Variants in MACROD2 observed in about 807,000 individuals in gnomAD.
MACROD2 encodes ADP-ribose glycohydrolase MACROD2.
In MACROD2, 36 loss-of-function variants were observed where a neutral mutation model predicts 70.4. That is an observed-to-expected ratio of 0.51 (90% CI 0.39 to 0.68). MACROD2 has a LOEUF of 0.68. Among genes scored for constraint, MACROD2 ranks in the 30% least tolerant of loss-of-function variants. The pLI is 0.00. For synonymous variants in MACROD2, 172 were observed against 178.8 expected (o/e 0.96, Z 0.30); for missense variants, 496 against 538.4 (o/e 0.92, Z 0.78).
intron 5 of MACROD2, among the ~76,000 whole-genome samples, chr20:15,121,607 C>G (rs962999450): frequency 2.0e-5 from 3 of 151,832 alleles, no homozygotes; most frequent in Admixed American, 2.0e-4. Flanking sequence ...GGAGTCTACT[C>G]TATGTCTAGG....
At chr20:14,415,413 C>T (rs1056387567) in intron 3 of MACROD2, among the ~76,000 whole-genome samples, 3 of 152,104 alleles carry the variant, frequency 2.0e-5, no homozygotes, top group Non-Finnish European at 4.4e-5. Flanking sequence ...AAGGTAACCA[C>T]GGCCAATTGT....
At chr20:14,026,977 G>T (rs999414354) in intron 2 of MACROD2, among the ~76,000 whole-genome samples, 13 of 152,288 alleles carry the variant, frequency 8.5e-5, no homozygotes, top group Admixed American at 8.5e-4. Context: ...CCTCAAGTGG[G>T]TCCCTGACCC....
rs117220128 is a variant in MACROD2 at position 14,915,691 on chromosome 20, C to T, written c.418+230732C>T. On this transcript the variant is annotated intron_variant, in intron 5 of 17. Coordinates refer to ENST00000684519, the MANE Select transcript of MACROD2 (RefSeq NM_001351661.2). Reference sequence around the variant, plus strand: ...ACTGACAGCAAGCAGTCTGCAGCAACAGATTGAAAATGTTCTTTTCAGATC... The same window carrying T: ...ACTGACAGCAAGCAGTCTGCAGCAATAGATTGAAAATGTTCTTTTCAGATC... Among the ~76,000 whole-genome samples, 6 of 152,296 alleles carry T rather than the reference C, an allele frequency of 3.9e-5. No homozygotes were observed. In the East Asian group the frequency reaches 1.2e-3, roughly 29 times the overall value.
At chr20:15,967,701 A>G (rs1451561322) in intron 13 of MACROD2, 71 bp downstream of exon 13, 3 of 1,139,788 alleles carry the variant, frequency 2.6e-6, no homozygotes, top group South Asian at 1.5e-5. Context: ...AAAAAAAAAA[A>G]CCCACAGACT....
At chr20:14,540,034 T>C (rs1476883370) in intron 4 of MACROD2, among the ~76,000 whole-genome samples, 1 of 152,230 alleles carries the variant, frequency 6.6e-6, no homozygotes, top group Non-Finnish European at 1.5e-5. Flanking sequence ...CAGAGAATTA[T>C]GGTTTAGTTT....
intron 4 of MACROD2, among the ~76,000 whole-genome samples, chr20:14,523,650 A>G (rs1296319374): frequency 6.6e-6 from 1 of 152,220 alleles, no homozygotes; most frequent in Admixed American, 6.5e-5. Context: ...CACAGTCACA[A>G]AAATATGGAC....
At chr20:15,841,803 G>A (rs1322301834) in intron 8 of MACROD2, among the ~76,000 whole-genome samples, 1 of 152,114 alleles carries the variant, frequency 6.6e-6, no homozygotes, top group East Asian at 1.9e-4. Flanking sequence ...TCTGGTGACA[G>A]TTTATTAAGG....
chr20:14,012,245 T>C (rs1201012348), intron 2 of MACROD2, among the ~76,000 whole-genome samples: 2 of 152,188 alleles, frequency 1.3e-5, no homozygotes, highest in South Asian at 2.1e-4. Flanking sequence ...ATAACACATA[T>C]CAAACCATCC....
intron 7 of MACROD2, among the ~76,000 whole-genome samples, chr20:15,434,659 C>T (rs529189344): frequency 6.6e-6 from 1 of 152,186 alleles, no homozygotes; most frequent in African/African-American, 2.4e-5. Flanking sequence ...TCCAGCAATC[C>T]ACTACTGAGT....
intron 7 of MACROD2, among the ~76,000 whole-genome samples, chr20:15,446,074 G>A (rs1426301038): frequency 6.6e-6 from 1 of 152,162 alleles, no homozygotes; most frequent in Non-Finnish European, 1.5e-5. Context: ...GAGTGCCAAA[G>A]ATTTGTGTCA....
intron 5 of MACROD2, among the ~76,000 whole-genome samples, chr20:15,045,156 G>A (rs1331527386): frequency 1.3e-5 from 2 of 152,076 alleles, no homozygotes; most frequent in Admixed American, 6.6e-5. Flanking sequence ...AAAAGAAATG[G>A]GGATGAATTG....
chr20:14,564,117 G>T (rs776092040), intron 4 of MACROD2, among the ~76,000 whole-genome samples: 3 of 151,880 alleles, frequency 2.0e-5, no homozygotes, highest in Non-Finnish European at 4.4e-5. Context: ...TTCAATAAAT[G>T]GTGCTGGGAG....
At chr20:14,793,123 T>A (rs1362499026) in intron 5 of MACROD2, among the ~76,000 whole-genome samples, 4 of 152,024 alleles carry the variant, frequency 2.6e-5, no homozygotes, top group African/African-American at 9.7e-5. Context: ...GGGTTACAAT[T>A]TTTCCTTAGT....
At chr20:16,022,876 T>C (rs775099) in intron 15 of MACROD2, among the ~76,000 whole-genome samples, 37,510 of 152,172 alleles carry the variant, frequency 0.25, 4,772 homozygotes, top group South Asian at 0.35. Flanking sequence ...TGTGCATGAA[T>C]GCATGTATGT....
chr20:14,265,899 C>A lies in MACROD2; in HGVS notation c.271+180171C>A, dbSNP rs551960436. ...TCACGCCATTCTCCTGCCTCAGCCTCCCAAGTAGCTGGGACTACAGGCGCA... is the reference window on the plus strand; with the variant it reads ...TCACGCCATTCTCCTGCCTCAGCCTACCAAGTAGCTGGGACTACAGGCGCA... On this transcript the variant is annotated intron_variant, in intron 3 of 17. Coordinates refer to ENST00000684519, the MANE Select transcript of MACROD2 (RefSeq NM_001351661.2). Among the ~76,000 whole-genome samples, 220 of 152,094 alleles carry A rather than the reference C, an allele frequency of 1.4e-3. 1 individual carries two copies. The highest frequency in any genetic ancestry group is 2.4e-3 in the Admixed American group (36 of 15,284).
chr20:15,837,426 C>A (rs1174362670), intron 8 of MACROD2, among the ~76,000 whole-genome samples: 5 of 152,142 alleles, frequency 3.3e-5, no homozygotes, highest in Non-Finnish European at 5.9e-5. Context: ...ACACTACAGA[C>A]TCGTATCTAC....
intron 4 of MACROD2, among the ~76,000 whole-genome samples, chr20:14,630,947 T>C (rs1984474311): frequency 6.6e-6 from 1 of 152,196 alleles, no homozygotes; most frequent in Non-Finnish European, 1.5e-5. Context: ...ATAATTCACT[T>C]ACAGAATTAT....
At chr20:14,407,098 G>A (rs2083698242) in intron 3 of MACROD2, among the ~76,000 whole-genome samples, 1 of 138,130 alleles carries the variant, frequency 7.2e-6, no homozygotes, top group Non-Finnish European at 1.6e-5. Context: ...TTCAGATCTA[G>A]TGATATTACT....
intron 1 of MACROD2, among the ~76,000 whole-genome samples, chr20:13,997,420 GATA>G (rs2052678394): frequency 6.6e-6 from 1 of 152,144 alleles, no homozygotes; most frequent in Non-Finnish European, 1.5e-5. Flanking sequence ...TATAATTGAT[GATA>G]ATGAGGGCAA....
Sources: gnomAD v4.1 joint callset for allele counts (sites outside exome capture counted in the v4.1 genomes callset) on GRCh38, gnomAD v4.1.1 for gene constraint, MANE v1.5 for transcripts, NCBI Gene and HGNC (gene_info 2026-07-23, HGNC 2026-07-21) for gene names.